Variants in PUM2 observed in about 807,000 individuals in gnomAD.
PUM2 encodes the protein pumilio homolog 2.
PUM2 carries 57 observed loss-of-function variants against 124.5 expected under a neutral mutation model. That is an observed-to-expected ratio of 0.46 (90% confidence interval 0.37 to 0.57). PUM2 has a LOEUF of 0.57. Ranked by LOEUF, PUM2 falls within the 20% of genes least tolerant of loss-of-function variation. The probability of loss-of-function intolerance (pLI) is 0.00; values close to 1 mark genes in which losing one functional copy is unlikely to be tolerated. For synonymous variants in PUM2, 460 were observed against 446.1 expected (o/e 1.03, Z -0.39); for missense variants, 1,065 against 1,290.6 (o/e 0.83, Z 2.68).
At chr2:20,345,671 C>CT (rs1195862001) in intron 1 of PUM2, among the ~76,000 whole-genome samples, 1 of 151,994 alleles carries the variant, frequency 6.6e-6, no homozygotes, top group African/African-American at 2.4e-5. Context: ...GTCAGGAGTT[C>CT]AAGACCAGCC....
At chr2:20,309,860 C>A (rs986818942) in intron 5 of PUM2, among the ~76,000 whole-genome samples, 4 of 152,228 alleles carry the variant, frequency 2.6e-5, no homozygotes, top group Admixed American at 1.3e-4. Flanking sequence ...TGTAAGCAAA[C>A]TTACACTCAC....
chr2:20,348,243 A>C (rs1486406288), intron 1 of PUM2, among the ~76,000 whole-genome samples: 1 of 152,156 alleles, frequency 6.6e-6, no homozygotes, highest in Non-Finnish European at 1.5e-5. Flanking sequence ...CCTGGCTATA[A>C]GTGTAATTTT....
intron 10 of PUM2, among the ~76,000 whole-genome samples, chr2:20,284,717 G>A (rs938058837): frequency 2.6e-5 from 4 of 152,178 alleles, no homozygotes; most frequent in African/African-American, 9.7e-5. Flanking sequence ...CTATGCAGAA[G>A]TGAGAGTTAC....
At position 20,254,024 on chromosome 2, in the gene PUM2, A is replaced by G; in HGVS notation, c.2871-10T>C. ...CTTTTCTACTACATTGCTAAAAATT[A>G]AAGCAGATAAACAAAGATTTGTTAT... is the stretch of plus-strand genomic sequence containing the variant. On this transcript the variant is annotated splice_polypyrimidine_tract_variant and intron_variant, in intron 19 of 20. Transcript: ENST00000361078. 6.3e-7 allele frequency: 1 copy of G among 1,591,582 alleles called. No homozygotes were observed. The highest frequency in any genetic ancestry group is 1.7e-4 in the Middle Eastern group (1 of 5,926).
intron 7 of PUM2, among the ~76,000 whole-genome samples, chr2:20,298,671 C>T (rs2148348262): frequency 6.6e-6 from 1 of 152,164 alleles, no homozygotes; most frequent in South Asian, 2.1e-4. Context: ...GAGTTCAAGA[C>T]CAGCCTGGCC....
chr2:20,302,081 T>C (rs529700124), intron 7 of PUM2, among the ~76,000 whole-genome samples: 1 of 152,242 alleles, frequency 6.6e-6, no homozygotes, highest in African/African-American at 2.4e-5. Context: ...AAACATAAAT[T>C]CTCTTTTTAA....
At chr2:20,308,197 T>C (rs1408272830) in intron 6 of PUM2, 117 bp downstream of exon 6, 23 of 1,468,224 alleles carry the variant, frequency 1.6e-5, no homozygotes, top group Non-Finnish European at 2.0e-5. Context: ...GACACTTTAA[T>C]CAATAAAACA....
At chr2:20,344,536 C>T (rs373141962) in intron 1 of PUM2, among the ~76,000 whole-genome samples, 2 of 152,194 alleles carry the variant, frequency 1.3e-5, no homozygotes, top group Admixed American at 6.6e-5. Context: ...TGGGCTTCTA[C>T]CTATCTCTCC....
intron 2 of PUM2, among the ~76,000 whole-genome samples, chr2:20,320,205 C>T (rs1007117457): frequency 3.3e-5 from 5 of 151,990 alleles, no homozygotes; most frequent in Admixed American, 6.6e-5. Flanking sequence ...GTGGAGGTTG[C>T]GCCACTGCAC....
chr2:20,311,418 T>C (rs1679572850), intron 5 of PUM2, 76 bp downstream of exon 5: 1 of 1,397,152 alleles, frequency 7.2e-7, no homozygotes, highest in Admixed American at 2.6e-5. Context: ...TGAAAATGTC[T>C]AAATCAGTCA....
At chr2:20,323,124 G>C (rs892143529) in intron 2 of PUM2, among the ~76,000 whole-genome samples, 5 of 152,008 alleles carry the variant, frequency 3.3e-5, no homozygotes, top group Non-Finnish European at 7.4e-5. Context: ...CCTTTTCTGC[G>C]CTTCAGTTTC....
In PUM2 at chr2:20,297,635, T is replaced by C. The variant is rs755074595; in HGVS notation, c.927A>G (p.Pro309=). ...GAGCAGCACTAATAATGTATGGATT[T>C]GGCACAAATGCAGCTGGAGCAAGGC... is the stretch of plus-strand genomic sequence containing the variant. ...SAGLAPAAFV[P]NPYIISAAPP... Residue 309 remains proline (P), a synonymous_variant, in exon 8 of 21, where the codon CCA becomes CCG. Transcript: ENST00000361078. The C allele has an allele frequency of 5.6e-6, 9 of 1,613,310 alleles. No homozygotes were observed. Among genetic ancestry groups the C allele is most frequent in the Non-Finnish European group, 7.6e-6 (9 of 1,179,318 alleles).
chr2:20,308,178 C>T, intron 6 of PUM2, 107 bp from the exon 7 acceptor site: 2 of 1,480,052 alleles, frequency 1.4e-6, no homozygotes, highest in Middle Eastern at 4.1e-4. Flanking sequence ...AGGACTTTCT[C>T]AAATACAGGA....
Position 20,283,321 on chromosome 2 carries a change from T to C in PUM2, c.1435+22A>G, listed in dbSNP as rs374151182. The C allele has an allele frequency of 4.9e-5, 79 of 1,612,098 alleles. No homozygotes were observed. In the African/African-American group the frequency reaches 5.6e-4, roughly 11 times the overall value. ...TCTCAACACCAGAAAAATATTATCC[T>C]AAAAATGTCAGTTACACTTACCAGC... On this transcript the variant is annotated intron_variant, in intron 11 of 20. Transcript: ENST00000361078.
At chr2:20,280,392 C>T (rs1363334190) in intron 12 of PUM2, among the ~76,000 whole-genome samples, 1 of 152,050 alleles carries the variant, frequency 6.6e-6, no homozygotes, top group East Asian at 1.9e-4. Flanking sequence ...AACAGTTATT[C>T]TTGAGTTGGT....
In PUM2 at chr2:20,311,539, C is replaced by G. The variant is rs956857801; in HGVS notation, c.473G>C (p.Gly158Ala). The change falls in exon 5 of 21, where the codon GGC becomes GCC. Residue 158 changes from glycine (G) to alanine (A), a missense_variant. This residue lies in a region of PUM2 where 968 missense variants were observed against 1,159.8 expected (regional missense o/e 0.83). Coordinates refer to ENST00000361078, the MANE Select transcript of PUM2 (RefSeq NM_015317.5). ...ATCCATTCCATTTGGCAAACCTCTG[C>G]CATTTATTTTAGAATCATCATCATC... ...QGDDDDSKIN[G>A]RGLPNGMDAD... 6.2e-7 allele frequency: 1 copy of G among 1,612,466 alleles called. No homozygotes were observed. The highest frequency in any genetic ancestry group is 1.3e-5 in the African/African-American group (1 of 74,950).
Position 20,311,529 on chromosome 2 carries a change from C to G in PUM2, c.483G>C (p.Leu161Phe). 6.2e-7 allele frequency: 1 copy of G among 1,611,234 alleles called. No individual in the cohort carries two copies. The highest frequency in any genetic ancestry group is 1.1e-5 in the South Asian group (1 of 90,378). Residue 161 changes from leucine (L) to phenylalanine (F), a missense_variant, in exon 5 of 21, where the codon TTG becomes TTC. Transcript: ENST00000361078. The stretch of plus-strand genomic sequence containing the variant: ...TGCAATCGGCATCCATTCCATTTGG[C>G]AAACCTCTGCCATTTATTTTAGAAT... ...DDDSKINGRG[L>F]PNGMDADCKD...
intron 19 of PUM2, among the ~76,000 whole-genome samples, chr2:20,254,482 G>C (rs886856189): frequency 6.6e-6 from 1 of 152,000 alleles, no homozygotes; most frequent in Non-Finnish European, 1.5e-5. Context: ...ACAGAAATTG[G>C]TATCTTGGAA....
intron 1 of PUM2, among the ~76,000 whole-genome samples, chr2:20,327,606 A>G (rs1036391212): frequency 1.3e-5 from 2 of 152,240 alleles, no homozygotes; most frequent in African/African-American, 4.8e-5. Flanking sequence ...TGTGCCAACA[A>G]CTATGTGAAG....
Sources: allele counts gnomAD v4.1 joint callset (sites outside exome capture counted in the v4.1 genomes callset), GRCh38; gene constraint gnomAD v4.1.1; regional missense constraint gnomAD v4.1.1; transcripts MANE v1.5; gene names NCBI Gene and HGNC (gene_info 2026-07-23, HGNC 2026-07-21).